SPATA13: variants seen among roughly 807,000 people sequenced by gnomAD.
SPATA13 encodes spermatogenesis associated 13.
A neutral mutation model predicts 104.0 loss-of-function variants in SPATA13; 50 were observed. The observed-to-expected ratio is 0.48, with a 90% CI of 0.38 to 0.61. SPATA13 has a LOEUF of 0.61. Ranked by LOEUF, SPATA13 falls within the 20% of genes least tolerant of loss-of-function variation. The pLI is 0.00. For missense variants in SPATA13, 1,524 were observed against 1,690.6 expected (o/e 0.90, Z 1.73); for synonymous variants, 606 against 667.5 (o/e 0.91, Z 1.42).
chr13:24,151,398 G>C (rs1882096798), intron 3 of SPATA13, among the ~76,000 whole-genome samples: 1 of 152,180 alleles, frequency 6.6e-6, no homozygotes, highest in African/African-American at 2.4e-5. Flanking sequence ...TGGTTTTAAT[G>C]ATGAAGTGAA....
intron 3 of SPATA13, among the ~76,000 whole-genome samples, chr13:24,152,394 C>T (rs9507261): frequency 6.6e-6 from 1 of 152,042 alleles, no homozygotes; most frequent in Non-Finnish European, 1.5e-5. Flanking sequence ...GGTTCCTGCT[C>T]AAGGACATGG....
chr13:24,226,087 T>G (rs1264985129), intron 2 of SPATA13, among the ~76,000 whole-genome samples: 2 of 152,264 alleles, frequency 1.3e-5, no homozygotes, highest in East Asian at 3.9e-4. Flanking sequence ...AGGCTCAGAA[T>G]GGAGGAAGTG....
At chr13:23,982,406 T>C (rs1874943861) in intron 1 of SPATA13, among the ~76,000 whole-genome samples, 1 of 152,234 alleles carries the variant, frequency 6.6e-6, no homozygotes, top group Non-Finnish European at 1.5e-5. Context: ...AGGTCTTCTG[T>C]GTCTTTAGAA....
intron 2 of SPATA13, among the ~76,000 whole-genome samples, chr13:24,243,919 A>G (rs1872979847): frequency 6.6e-6 from 1 of 152,216 alleles, no homozygotes; most frequent in East Asian, 1.9e-4. Context: ...ACCTTGCTGT[A>G]TGAGTTTCCC....
chr13:24,066,606 T>C (rs913200523), intron 3 of SPATA13, among the ~76,000 whole-genome samples: 6 of 152,126 alleles, frequency 3.9e-5, no homozygotes, highest in Non-Finnish European at 7.4e-5. Context: ...GGACAGCAGG[T>C]GCTCACTGTG....
chr13:24,125,903 C>G (rs939836938), intron 3 of SPATA13, among the ~76,000 whole-genome samples: 1 of 152,196 alleles, frequency 6.6e-6, no homozygotes, highest in African/African-American at 2.4e-5. Context: ...GGGGCCCACT[C>G]TGGAATGTGG....
rs574642354 is a variant in SPATA13, at chr13:24,302,655, G to A, written c.3716G>A (p.Arg1239His). ...CAGGGCCTGCACCCCATCCACCAGC[G>A]CCACATCACTATGCCCACAAGCGTC... is the stretch of plus-strand genomic sequence containing the variant. ...PHQGLHPIHQRHITMPTSVPQ... is the reference protein window; with the variant it reads ...PHQGLHPIHQHHITMPTSVPQ... Residue 1239 changes from arginine to histidine, a missense_variant, in exon 13 of 13, where the codon CGC becomes CAC. Physicochemically the swap from Arg to His is conservative, Grantham distance 29. Around this residue, in one of 2 missense-constraint regions of SPATA13, gnomAD observed 435 missense variants for 554.8 expected, o/e 0.78. Coordinates refer to ENST00000382108, the MANE Select transcript of SPATA13 (RefSeq NM_001166271.3). The A allele has an allele frequency of 2.4e-5, 39 of 1,613,836 alleles. No individual in the cohort carries two copies. Among genetic ancestry groups the A allele is most frequent in the African/African-American group, 1.1e-4 (8 of 74,938 alleles).
rs1014624595 is a variant in SPATA13 at position 24,306,106 on chromosome 13, T to C, written c.*3333T>C. ...CACTATTTCTGAATATTGTGCCTTTTTATACCTAGCCTAGATGAAAACCGA... is the reference window on the plus strand; with the variant it reads ...CACTATTTCTGAATATTGTGCCTTTCTATACCTAGCCTAGATGAAAACCGA... On this transcript the variant is annotated 3_prime_UTR_variant, in exon 13 of 13. Transcript: ENST00000382108. 2 of 152,228 alleles carry C rather than the reference T, an allele frequency of 1.3e-5. No homozygotes were observed. Among genetic ancestry groups the C allele is most frequent in the African/African-American group, 4.8e-5 (2 of 41,458 alleles). The allele number at this position is 152,228 out of a possible 1,614,324, so 9.4% of individuals were successfully genotyped here.
intron 4 of SPATA13, among the ~76,000 whole-genome samples, chr13:24,265,558 T>A (rs1874260931): frequency 6.6e-6 from 1 of 152,194 alleles, no homozygotes; most frequent in African/African-American, 2.4e-5. Context: ...TGGCCAGTGA[T>A]GTCCACAGGT....
intron 1 of SPATA13, among the ~76,000 whole-genome samples, chr13:24,193,062 G>A (rs1006223734): frequency 2.0e-5 from 3 of 152,220 alleles, no homozygotes; most frequent in African/African-American, 4.8e-5. Flanking sequence ...CCAGGCTGAG[G>A]AGCTTGACAC....
intron 2 of SPATA13, among the ~76,000 whole-genome samples, chr13:24,016,675 T>C (rs934805223): frequency 5.9e-5 from 9 of 152,214 alleles, no homozygotes; most frequent in Admixed American, 4.6e-4. Context: ...CTCAGTTTCC[T>C]GAGCTGCGTG....
At chr13:24,016,984 G>A (rs760955718) in intron 2 of SPATA13, among the ~76,000 whole-genome samples, 2 of 152,206 alleles carry the variant, frequency 1.3e-5, no homozygotes, top group Non-Finnish European at 2.9e-5. Context: ...ACACCAAGTG[G>A]GGCCTGACAC....
At position 24,244,647 on chromosome 13, in the gene SPATA13, T is replaced by C. The variant is rs113951160; in HGVS notation, c.1654-4830T>C. Among the ~76,000 whole-genome samples, 508 of 152,300 alleles carry C rather than the reference T, an allele frequency of 3.3e-3. 3 individuals are homozygous for C. The highest frequency in any genetic ancestry group is 0.012 in the African/African-American group (492 of 41,552). The stretch of plus-strand genomic sequence containing the variant: ...TCTCAGCCAAGGCAGGTGAATTGCT[T>C]GAGCCCAGGAGTTTGAGACCAGCCT... On this transcript the variant is annotated intron_variant, in intron 2 of 12. Transcript: ENST00000382108.
At chr13:24,028,917 T>A (rs1301421590) in intron 3 of SPATA13, among the ~76,000 whole-genome samples, 3 of 152,144 alleles carry the variant, frequency 2.0e-5, no homozygotes, top group African/African-American at 7.2e-5. Context: ...CCTGTTTTTT[T>A]AAACATGAAA....
At chr13:24,241,641 C>G (rs757220919) in intron 2 of SPATA13, among the ~76,000 whole-genome samples, 94 of 152,348 alleles carry the variant, frequency 6.2e-4, no homozygotes, top group Non-Finnish European at 1.3e-3. Flanking sequence ...GGAAGCCCAC[C>G]TGGTGGTTGG....
chr13:24,077,241 C>T (rs971482946), intron 3 of SPATA13, among the ~76,000 whole-genome samples: 4 of 121,884 alleles, frequency 3.3e-5, no homozygotes, highest in Non-Finnish European at 6.4e-5. Context: ...CCAGTCCTGG[C>T]GACAGAGCGA....
chr13:24,142,163 A>G (rs1881784073), intron 3 of SPATA13, among the ~76,000 whole-genome samples: 1 of 150,906 alleles, frequency 6.6e-6, no homozygotes, highest in Non-Finnish European at 1.5e-5. Context: ...GGTCTTATGT[A>G]TCCTTCTCCC....
In SPATA13 at chr13:24,184,397, G is replaced by A. The variant is rs761273088; in HGVS notation, c.-112+23465G>A. Among the ~76,000 whole-genome samples, 4 of 152,294 alleles carry A rather than the reference G, an allele frequency of 2.6e-5. No homozygotes were observed. In the East Asian group the frequency reaches 7.7e-4, roughly 29 times the overall value. On this transcript the variant is annotated intron_variant, in intron 1 of 12. Coordinates refer to ENST00000382108, the MANE Select transcript of SPATA13 (RefSeq NM_001166271.3). ...CACCTGCTGTGCGGGTCCCAGCTGG[G>A]CCAAGCAGCCACCAGCCCAGAACCA... is the stretch of plus-strand genomic sequence containing the variant.
chr13:23,990,726 A>G (rs1236948374), intron 2 of SPATA13, among the ~76,000 whole-genome samples: 2 of 152,228 alleles, frequency 1.3e-5, no homozygotes, highest in East Asian at 1.9e-4. Context: ...GCAGGATCAC[A>G]TCTACCTTGT....
Sources: allele counts gnomAD v4.1 joint callset (sites outside exome capture counted in the v4.1 genomes callset), GRCh38; gene constraint gnomAD v4.1.1; regional missense constraint gnomAD v4.1.1; transcripts MANE v1.5; gene names NCBI Gene and HGNC (gene_info 2026-07-23, HGNC 2026-07-21).